GNG2: variants seen among roughly 807,000 people sequenced by gnomAD.
The protein encoded by GNG2 is G protein subunit gamma 2, also known as guanine nucleotide-binding protein G(I)/G(S)/G(O) subunit gamma-2.
Under a neutral mutation model 5.5 loss-of-function variants are expected in GNG2, and 5 were observed. The observed-to-expected ratio is 0.91, with a 90% CI of 0.48 to 1.92. The LOEUF (loss-of-function observed/expected upper bound fraction) is 1.92, where lower values mean the gene tolerates loss of function less well. Ranked by LOEUF, GNG2 falls within the 30% of genes most tolerant of loss-of-function variation. The pLI is 0.01. For missense variants in GNG2, 55 were observed against 88.4 expected (o/e 0.62, Z 1.52); for synonymous variants, 28 against 32.0 (o/e 0.88, Z 0.42).
At chr14:51,950,870 A>G (rs1888937024) in intron 3 of GNG2, 105 bp downstream of exon 3, 2 of 545,576 alleles carry the variant, frequency 3.7e-6, no homozygotes, top group South Asian at 8.1e-5. Context: ...ACAGGAGAGC[A>G]TCTTAAAGAT....
At chr14:51,922,987 C>A (rs57502630) in intron 2 of GNG2, among the ~76,000 whole-genome samples, 1 of 152,178 alleles carries the variant, frequency 6.6e-6, no homozygotes, top group Non-Finnish European at 1.5e-5. Context: ...TTTAAACGTG[C>A]CAACATACGT....
chr14:51,882,855 A>G (rs1039261639), intron 2 of GNG2, among the ~76,000 whole-genome samples: 5 of 151,828 alleles, frequency 3.3e-5, no homozygotes, highest in African/African-American at 7.3e-5. Flanking sequence ...TAAAAATACA[A>G]AAAAATTAGC....
intron 2 of GNG2, among the ~76,000 whole-genome samples, chr14:51,949,133 AAAAG>A (rs1248684469): frequency 5.9e-5 from 9 of 151,890 alleles, no homozygotes; most frequent in African/African-American, 2.2e-4. Context: ...AAAAAAAAAA[AAAAG>A]AAAAGAAATT....
At chr14:51,919,013 T>A (rs938586117) in intron 2 of GNG2, among the ~76,000 whole-genome samples, 6 of 152,062 alleles carry the variant, frequency 3.9e-5, no homozygotes, top group African/African-American at 1.4e-4. Flanking sequence ...TTAGTAGAGA[T>A]GGGGTTTCTC....
chr14:51,882,029 T>C (rs1024747795), intron 2 of GNG2, among the ~76,000 whole-genome samples: 1 of 152,178 alleles, frequency 6.6e-6, no homozygotes, highest in African/African-American at 2.4e-5. Flanking sequence ...GCAGAAGAAA[T>C]GAAAACACAT....
chr14:51,832,284 GAA>G (rs56909071), intron 2 of GNG2, among the ~76,000 whole-genome samples: 74,315 of 127,444 alleles, frequency 0.58, 19,059 homozygotes, highest in Middle Eastern at 0.67. Context: ...GTTACAGGGA[GAA>G]AAAAAAAAAA....
chr14:51,864,069 T>C (rs1882705322), intron 1 of GNG2, among the ~76,000 whole-genome samples: 1 of 152,364 alleles, frequency 6.6e-6, no homozygotes, highest in Non-Finnish European at 1.5e-5. Flanking sequence ...TATTTAATTT[T>C]TGAAGAATTG....
chr14:51,840,805 C>A (rs1386788954), intron 2 of GNG2, among the ~76,000 whole-genome samples: 2 of 152,158 alleles, frequency 1.3e-5, no homozygotes, highest in African/African-American at 2.4e-5. Context: ...CAGAAGACAA[C>A]CCCCTTCTTT....
chr14:51,966,209 C>CAAAAAAAAAAAAAA (rs34653524), intron 3 of GNG2, among the ~76,000 whole-genome samples: 4 of 28,138 alleles, frequency 1.4e-4, no homozygotes, highest in Non-Finnish European at 1.7e-4. Context: ...GACTGCATCT[C>CAAAAAAAAAAAAAA]AAAAAAAAAA....
intron 2 of GNG2, among the ~76,000 whole-genome samples, chr14:51,901,335 C>A (rs566643038): frequency 6.6e-6 from 1 of 152,056 alleles, no homozygotes; most frequent in East Asian, 1.9e-4. Context: ...CACAGGTGTG[C>A]ACCACCATGC....
intron 3 of GNG2, chr14:51,952,130 C>G: frequency 1.8e-6 from 1 of 558,486 alleles, no homozygotes; most frequent in South Asian, 2.3e-5. Context: ...TAAGTCTCAT[C>G]AGGTATGTGC....
In GNG2 at chr14:51,966,858, G is replaced by T. The variant is rs994222004; in HGVS notation, c.*171G>T. On this transcript the variant is annotated 3_prime_UTR_variant, in exon 4 of 4. Transcript: ENST00000556766. The stretch of plus-strand genomic sequence containing the variant: ...TCTGGTCCCCTTTATGAGAATGCAA[G>T]CCGATCCACATCCTGACTTAAGAGA... 5.8e-6 allele frequency: 3 copies of T among 519,012 alleles called. No individual in the cohort carries two copies. The highest frequency in any genetic ancestry group is 1.0e-5 in the Non-Finnish European group (3 of 289,776). The allele number at this position is 519,012 out of a possible 1,614,324, so 32.2% of individuals were successfully genotyped here. A position where few individuals can be genotyped will look rare whatever the true frequency, so the allele number is the denominator to read the frequency against.
Position 51,966,955 on chromosome 14 carries a change from T to TCCACCA in GNG2, c.*270_*271insACCACC, listed in dbSNP as rs1889953293. On this transcript the variant is annotated 3_prime_UTR_variant, in exon 4 of 4. Coordinates refer to ENST00000556766, the MANE Select transcript of GNG2 (RefSeq NM_053064.5). ...AATTGGTGTCACTTCTTTTCTGCTA[T>TCCACCA]CCCCCAGCCCCCCCCCCAAAATCCT... The TCCACCA allele has an allele frequency of 8.6e-6, 1 of 115,958 alleles. No individual in the cohort carries two copies. The highest frequency in any genetic ancestry group is 2.3e-4 in the South Asian group (1 of 4,286). The allele number at this position is 115,958 out of a possible 1,614,324, so 7.2% of individuals were successfully genotyped here.
intron 2 of GNG2, among the ~76,000 whole-genome samples, chr14:51,892,377 T>TC (rs1163519168): frequency 1.3e-5 from 2 of 152,026 alleles, no homozygotes; most frequent in East Asian, 3.9e-4. Context: ...TATGGCGCGA[T>TC]CTTGGCGCAC....
At chr14:51,883,055 A>G (rs1357821018) in intron 2 of GNG2, among the ~76,000 whole-genome samples, 2 of 151,886 alleles carry the variant, frequency 1.3e-5, no homozygotes, top group Non-Finnish European at 2.9e-5. Flanking sequence ...AACAGTCCAG[A>G]AGTAATAACT....
At chr14:51,918,822 ATTTTG>A (rs1886817693) in intron 2 of GNG2, among the ~76,000 whole-genome samples, 1 of 152,090 alleles carries the variant, frequency 6.6e-6, no homozygotes, top group East Asian at 1.9e-4. Flanking sequence ...AATTTAGAAA[ATTTTG>A]TTTTGTTTTG....
intron 1 of GNG2, among the ~76,000 whole-genome samples, chr14:51,867,900 AT>A (rs961615942): frequency 3.4e-4 from 50 of 149,032 alleles, no homozygotes; most frequent in African/African-American, 4.9e-4. Flanking sequence ...AATCTGCATA[AT>A]TTTTTTTTTT....
At chr14:51,957,911 G>A (rs536279580) in intron 3 of GNG2, among the ~76,000 whole-genome samples, 13 of 152,158 alleles carry the variant, frequency 8.5e-5, no homozygotes, top group African/African-American at 2.9e-4. Flanking sequence ...TAGAACTAAT[G>A]GAGTATTCAT....
At position 51,828,063 on chromosome 14, in the gene GNG2, C is replaced by T. The variant is rs575243421; in HGVS notation, c.64+256C>T. ...CATGGATTCTCGGGATGAGAGGCCT[C>T]GGTAGAACTGACTAGCTTCCTCAAC... is the stretch of plus-strand genomic sequence containing the variant. On this transcript the variant is annotated intron_variant, in intron 2 of 3. Transcript: ENST00000553432. Among the ~76,000 whole-genome samples the T allele has an allele frequency of 2.6e-5, 4 of 152,290 alleles. No homozygotes were observed. In the East Asian group the frequency reaches 5.8e-4, roughly 22 times the overall value.
Sources: gnomAD v4.1 joint callset for allele counts (sites outside exome capture counted in the v4.1 genomes callset) on GRCh38, gnomAD v4.1.1 for gene constraint, MANE v1.5 for transcripts, NCBI Gene and HGNC (gene_info 2026-07-23, HGNC 2026-07-21) for gene names.